The following PDE3B variants were observed in gnomAD, a reference collection of about 807,000 sequenced individuals.
PDE3B encodes the protein cGMP-inhibited 3',5'-cyclic phosphodiesterase 3B.
Under a neutral mutation model 116.8 loss-of-function variants are expected in PDE3B, and 66 were observed. The ratio of observed to expected loss-of-function variants is 0.56; its 90% CI spans 0.46 to 0.69. The LOEUF (loss-of-function observed/expected upper bound fraction) is 0.69. PDE3B is among the 30% of genes least tolerant of loss of function. The pLI, the probability that PDE3B is intolerant of heterozygous loss-of-function variation, is 0.00. For synonymous variants in PDE3B, 595 were observed against 533.6 expected, an observed-to-expected ratio of 1.12 and a Z score of -1.59; for missense variants, 1,384 against 1,368.1, an observed-to-expected ratio of 1.01 and a Z score of -0.18.
chr11:14,878,337 C>T, the PDE3B span: 3 of 1,580,830 alleles, frequency 1.9e-6, no homozygotes, highest in Non-Finnish European at 2.6e-6. Context: ...TTTAAACCCA[C>T]AATCTTTACC....
chr11:14,801,937 A>G (rs1019381613), intron 4 of PDE3B, among the ~76,000 whole-genome samples: 1 of 152,208 alleles, frequency 6.6e-6, no homozygotes, highest in African/African-American at 2.4e-5. Context: ...TGTGAGGGCA[A>G]AACGCCTACT....
rs867434186 is a variant in PDE3B at position 14,731,238 on chromosome 11, T to C, written c.979-40699T>C. Among the ~76,000 whole-genome samples, 7 of 151,816 alleles carry C rather than the reference T, an allele frequency of 4.6e-5. 1 individual carries two copies. The highest frequency in any genetic ancestry group is 3.4e-3 in the Middle Eastern group (1 of 290). ...ACCATCATTTAATATGTTAAAGTTT[T>C]AAAGCATTTTACTTTGATTTTTTTT... On this transcript the variant is annotated intron_variant, in intron 1 of 15. Coordinates refer to ENST00000282096, the MANE Select transcript of PDE3B (RefSeq NM_000922.4).
At position 14,859,038 on chromosome 11, in the gene PDE3B, T is replaced by C; in HGVS notation, c.2521-5T>C. The C allele has an allele frequency of 1.3e-6, 2 of 1,596,126 alleles. No individual in the cohort carries two copies. The highest frequency in any genetic ancestry group is 1.1e-5 in the South Asian group (1 of 88,074). ...TCTGCCTCATTTTTCTATATTTCTTTTTAGGCAGTTTTATACAATGACAGA... is the reference window on the plus strand; with the variant it reads ...TCTGCCTCATTTTTCTATATTTCTTCTTAGGCAGTTTTATACAATGACAGA... On this transcript the variant is annotated splice_polypyrimidine_tract_variant and splice_region_variant and intron_variant, in intron 12 of 15. Coordinates refer to ENST00000282096, the MANE Select transcript of PDE3B (RefSeq NM_000922.4).
chr11:14,878,333 C>A, the PDE3B span: 1 of 1,597,916 alleles, frequency 6.3e-7, no homozygotes, highest in Non-Finnish European at 8.6e-7. Context: ...ATTTTTTAAA[C>A]CCACAATCTT....
chr11:14,646,133 C>T (rs1188833803), intron 1 of PDE3B, among the ~76,000 whole-genome samples: 1 of 152,150 alleles, frequency 6.6e-6, no homozygotes, highest in African/African-American at 2.4e-5. Context: ...AGAGCGTACA[C>T]CCTAGGTTTT....
At chr11:14,648,313 C>T (rs1475535797) in intron 1 of PDE3B, among the ~76,000 whole-genome samples, 1 of 151,926 alleles carries the variant, frequency 6.6e-6, no homozygotes, top group Non-Finnish European at 1.5e-5. Flanking sequence ...TTCCGTGGCC[C>T]TAATGCCCAT....
intron 5 of PDE3B, among the ~76,000 whole-genome samples, chr11:14,809,018 A>T (rs1003930641): frequency 2.0e-5 from 3 of 152,212 alleles, no homozygotes; most frequent in Non-Finnish European, 4.4e-5. Context: ...ATTCGTATAG[A>T]AACGCAAGAG....
At chr11:14,894,028 C>T in the PDE3B span, among the ~76,000 whole-genome samples, 1 of 152,142 alleles carries the variant, frequency 6.6e-6, no homozygotes, top group Non-Finnish European at 1.5e-5. Context: ...CCATCTCCCA[C>T]GCAAGGACAC....
At chr11:14,878,436 T>C in the PDE3B span, 15 of 867,884 alleles carry the variant, frequency 1.7e-5, no homozygotes, top group African/African-American at 1.0e-4. Context: ...AGGATTTTCT[T>C]AAATCTCAAA....
intron 1 of PDE3B, among the ~76,000 whole-genome samples, chr11:14,694,443 C>A (rs1464125921): frequency 1.3e-5 from 2 of 152,188 alleles, no homozygotes; most frequent in Non-Finnish European, 2.9e-5. Context: ...TCAGCAACCA[C>A]CACCCTGATA....
chr11:14,691,571 T>A (rs1227789335), intron 1 of PDE3B, among the ~76,000 whole-genome samples: 2 of 152,176 alleles, frequency 1.3e-5, no homozygotes, highest in Non-Finnish European at 2.9e-5. Flanking sequence ...TTTTTTCCAT[T>A]TAACTCATCA....
At chr11:14,864,613 T>C (rs1252319496) in intron 14 of PDE3B, among the ~76,000 whole-genome samples, 2 of 152,144 alleles carry the variant, frequency 1.3e-5, no homozygotes, top group Non-Finnish European at 2.9e-5. Flanking sequence ...CAGACCACAG[T>C]GCAATCAAAT....
At chr11:14,823,447 T>G (rs569077284) in intron 7 of PDE3B, among the ~76,000 whole-genome samples, 24 of 150,764 alleles carry the variant, frequency 1.6e-4, no homozygotes, top group Non-Finnish European at 2.5e-4. Context: ...TTGTTGCCTT[T>G]GGGATTTGGA....
the PDE3B span, among the ~76,000 whole-genome samples, chr11:14,884,303 T>G: frequency 6.6e-6 from 1 of 151,876 alleles, no homozygotes; most frequent in East Asian, 2.0e-4. Context: ...AATGATAGAC[T>G]GGATGAAGAA....
intron 1 of PDE3B, among the ~76,000 whole-genome samples, chr11:14,721,773 G>T (rs1378035070): frequency 2.3e-4 from 1 of 4,340 alleles, no homozygotes; most frequent in Non-Finnish European, 1.1e-3. Context: ...GTGGACTGTG[G>T]TGCGGGTGGG....
intron 14 of PDE3B, among the ~76,000 whole-genome samples, chr11:14,866,627 G>A (rs1848052471): frequency 6.6e-6 from 1 of 152,076 alleles, no homozygotes; most frequent in Non-Finnish European, 1.5e-5. Context: ...GACAGTTTCT[G>A]GTTGTTTCCT....
At chr11:14,732,124 A>C (rs1192536121) in intron 1 of PDE3B, among the ~76,000 whole-genome samples, 1 of 152,188 alleles carries the variant, frequency 6.6e-6, no homozygotes, top group Non-Finnish European at 1.5e-5. Context: ...GGTAGAGAGA[A>C]GAGCGAAAGT....
intron 2 of PDE3B, among the ~76,000 whole-genome samples, chr11:14,781,903 C>G (rs1858017166): frequency 6.6e-6 from 1 of 152,084 alleles, no homozygotes; most frequent in Admixed American, 6.5e-5. Flanking sequence ...GATTGTATAT[C>G]TAGAAAACCC....
At position 14,741,882 on chromosome 11, in the gene PDE3B, G is replaced by GA. The variant is rs199876958; in HGVS notation, c.979-30051dup. On this transcript the variant is annotated intron_variant, in intron 1 of 15. Coordinates refer to ENST00000282096, the MANE Select transcript of PDE3B (RefSeq NM_000922.4). ...TTGACTGGATATGAAATTCTGAGTT[G>GA]AAAATTCTTTTCTTTAAGAATGTTG... is the stretch of plus-strand genomic sequence containing the variant. 6.6e-4 allele frequency among the ~76,000 whole-genome samples: 100 copies of GA among 152,234 alleles called. 2 individuals carry two copies. In the East Asian group the frequency reaches 0.018, roughly 27 times the overall value.
Sources: allele counts gnomAD v4.1 joint callset (sites outside exome capture counted in the v4.1 genomes callset), GRCh38; gene constraint gnomAD v4.1.1; transcripts MANE v1.5; gene names NCBI Gene and HGNC (gene_info 2026-07-23, HGNC 2026-07-21).